FHIT: variants seen among roughly 807,000 people sequenced by gnomAD.
The protein encoded by FHIT is bis(5'-adenosyl)-triphosphatase.
Under a neutral mutation model 17.9 loss-of-function variants are expected in FHIT, and 19 were observed. The ratio of observed to expected loss-of-function variants is 1.06; its 90% confidence interval spans 0.74 to 1.56. The LOEUF is 1.56. FHIT is among the 40% of genes most tolerant of loss of function. FHIT has a pLI of 0.00. For synonymous variants in FHIT, 81 were observed against 69.7 expected (o/e 1.16, Z -0.81); for missense variants, 248 against 189.2 (o/e 1.31, Z -1.82).
intron 2 of FHIT, among the ~76,000 whole-genome samples, chr3:61,171,347 T>C (rs1268359456): frequency 6.6e-6 from 1 of 152,220 alleles, no homozygotes; most frequent in Non-Finnish European, 1.5e-5. Flanking sequence ...TGCTGGATAT[T>C]AGACTTCTGT....
intron 5 of FHIT, among the ~76,000 whole-genome samples, chr3:60,231,427 T>C (rs943962308): frequency 7.9e-5 from 12 of 152,190 alleles, no homozygotes; most frequent in African/African-American, 9.7e-5. Context: ...CCTCAGAGTC[T>C]ACCTGCCGCA....
chr3:60,923,238 CAT>C (rs1471959069), intron 3 of FHIT, among the ~76,000 whole-genome samples: 3 of 152,160 alleles, frequency 2.0e-5, no homozygotes, highest in Non-Finnish European at 2.9e-5. Flanking sequence ...GAAGAAATGA[CAT>C]AGAATGGTGG....
intron 3 of FHIT, among the ~76,000 whole-genome samples, chr3:60,871,027 A>T (rs1704393807): frequency 6.6e-6 from 1 of 152,116 alleles, no homozygotes; most frequent in Admixed American, 6.6e-5. Flanking sequence ...AAGATGGCAC[A>T]ATAGGAGCAC....
intron 8 of FHIT, among the ~76,000 whole-genome samples, chr3:59,871,341 G>A (rs615542): frequency 0.58 from 88,334 of 151,948 alleles, 27,679 homozygotes; most frequent in African/African-American, 0.83. Flanking sequence ...TGCTGTGTGC[G>A]CTATTAATAA....
intron 8 of FHIT, among the ~76,000 whole-genome samples, chr3:59,881,304 G>A (rs933089977): frequency 1.3e-5 from 2 of 152,138 alleles, no homozygotes; most frequent in Admixed American, 6.5e-5. Flanking sequence ...CACTGGCCAA[G>A]TATTTGGATC....
intron 8 of FHIT, among the ~76,000 whole-genome samples, chr3:59,874,321 G>T (rs1456068785): frequency 6.6e-6 from 1 of 152,260 alleles, no homozygotes; most frequent in South Asian, 2.1e-4. Flanking sequence ...AAGACACCTG[G>T]TTAAAAAGTT....
chr3:61,134,892 C>T (rs1190146685), intron 2 of FHIT, among the ~76,000 whole-genome samples: 2 of 152,138 alleles, frequency 1.3e-5, no homozygotes, highest in African/African-American at 4.8e-5. Context: ...TGCCCAGTGG[C>T]TGAGAGTAGC....
chr3:60,600,910 C>G (rs555118971), intron 4 of FHIT, among the ~76,000 whole-genome samples: 8 of 152,248 alleles, frequency 5.3e-5, no homozygotes, highest in Admixed American at 2.0e-4. Flanking sequence ...ATGCAACAGC[C>G]CTGCACCAAG....
At chr3:60,315,001 C>T (rs191009216) in intron 5 of FHIT, among the ~76,000 whole-genome samples, 45 of 152,236 alleles carry the variant, frequency 3.0e-4, no homozygotes, top group Non-Finnish European at 4.4e-5. Flanking sequence ...CATTTCTCTT[C>T]AAACACTAGC....
intron 8 of FHIT, among the ~76,000 whole-genome samples, chr3:59,759,175 T>C (rs1393143159): frequency 4.0e-5 from 6 of 151,788 alleles, no homozygotes; most frequent in African/African-American, 1.5e-4. Context: ...GGTGGTTGGG[T>C]AACAGGCTGG....
At chr3:61,219,061 C>T (rs1387705749) in intron 1 of FHIT, among the ~76,000 whole-genome samples, 1 of 152,164 alleles carries the variant, frequency 6.6e-6, no homozygotes, top group Non-Finnish European at 1.5e-5. Context: ...TAGCCTATTG[C>T]TCCTAGGTTA....
chr3:60,718,764 T>A (rs1196053016), intron 4 of FHIT, among the ~76,000 whole-genome samples: 17 of 152,198 alleles, frequency 1.1e-4, no homozygotes, highest in Admixed American at 1.1e-3. Flanking sequence ...TAAGGTCCAA[T>A]TAATTTGAAA....
At chr3:60,024,369 G>C (rs188920218) in intron 5 of FHIT, among the ~76,000 whole-genome samples, 1 of 152,166 alleles carries the variant, frequency 6.6e-6, no homozygotes, top group African/African-American at 2.4e-5. Flanking sequence ...TGAAGATTTC[G>C]TAGTGAGAGG....
chr3:60,930,645 C>G (rs1327589734), intron 3 of FHIT, among the ~76,000 whole-genome samples: 1 of 152,174 alleles, frequency 6.6e-6, no homozygotes, highest in Non-Finnish European at 1.5e-5. Context: ...CAGAGACATG[C>G]AAATCAAAAC....
At chr3:60,188,205 T>C (rs1231511257) in intron 5 of FHIT, among the ~76,000 whole-genome samples, 3 of 87,654 alleles carry the variant, frequency 3.4e-5, no homozygotes, top group Non-Finnish European at 7.3e-5. Flanking sequence ...GACAGTTTCT[T>C]TCTTTTTTTT....
Position 60,748,587 on chromosome 3 carries a change from G to A in FHIT, c.-18+73332C>T, listed in dbSNP as rs1479022911. Among the ~76,000 whole-genome samples the A allele has an allele frequency of 7.2e-5, 11 of 152,236 alleles. No individual in the cohort carries two copies. The East Asian group carries it at 1.2e-3, about 16-fold the overall frequency. On this transcript the variant is annotated intron_variant, in intron 4 of 9. Transcript: ENST00000492590. ...AGCACTTTGGGAGGCCGAGGTGGGC[G>A]GATCACTTGAGGTCAGGAGTTCAAG...
chr3:60,331,559 T>C (rs2106855267), intron 5 of FHIT, among the ~76,000 whole-genome samples: 1 of 152,256 alleles, frequency 6.6e-6, no homozygotes, highest in Non-Finnish European at 1.5e-5. Flanking sequence ...CATAGAAATA[T>C]ACTCGGTCCG....
rs1409428148 is a variant in FHIT, at chr3:60,283,940, G to A, written c.103+252920C>T. ...TTTATTAGACTCTATTGGATCAGGA[G>A]CCAGTTCATTAAACATTAATGGCAG... is the stretch of plus-strand genomic sequence containing the variant. On this transcript the variant is annotated intron_variant, in intron 5 of 9. Transcript: ENST00000492590. Among the ~76,000 whole-genome samples the A allele has an allele frequency of 2.0e-5, 3 of 151,982 alleles. No homozygotes were observed. In the East Asian group the frequency reaches 5.8e-4, roughly 29 times the overall value.
At chr3:60,475,513 G>A (rs966520746) in intron 5 of FHIT, among the ~76,000 whole-genome samples, 2 of 152,138 alleles carry the variant, frequency 1.3e-5, no homozygotes, top group African/African-American at 4.8e-5. Flanking sequence ...GTGCACTTGT[G>A]CGCTTAAAAC....
Sources: gnomAD v4.1 joint callset for allele counts (sites outside exome capture counted in the v4.1 genomes callset) on GRCh38, gnomAD v4.1.1 for gene constraint, MANE v1.5 for transcripts, NCBI Gene and HGNC (gene_info 2026-07-23, HGNC 2026-07-21) for gene names.